Variants in INTS7 observed in about 807,000 individuals in gnomAD.
The protein encoded by INTS7 is chromosome 1 open reading frame 73.
A neutral mutation model predicts 109.2 loss-of-function variants in INTS7; 46 were observed. The ratio of observed to expected loss-of-function variants is 0.42; its 90% confidence interval spans 0.33 to 0.54. INTS7 has a LOEUF of 0.54. INTS7 is among the 20% of genes least tolerant of loss of function. The probability of loss-of-function intolerance (pLI) is 0.07; values close to 1 mark genes in which losing one functional copy is unlikely to be tolerated. For missense variants in INTS7, 929 were observed against 1,132.4 expected (o/e 0.82, Z 2.58); for synonymous variants, 412 against 402.9 (o/e 1.02, Z -0.27).
intron 16 of INTS7, among the ~76,000 whole-genome samples, chr1:211,960,187 T>TA (rs1316339087): frequency 2.0e-5 from 3 of 152,082 alleles, no homozygotes; most frequent in Non-Finnish European, 4.4e-5. Flanking sequence ...GTCCAGGAGT[T>TA]ATGAGCTGAG....
At position 212,020,123 on chromosome 1, in the gene INTS7, G is replaced by T. The variant is rs1317641892; in HGVS notation, c.370C>A (p.Arg124=). The T allele has an allele frequency of 1.3e-6, 2 of 1,592,308 alleles. No homozygotes were observed. Among genetic ancestry groups the T allele is most frequent in the Admixed American group, 1.8e-5 (1 of 56,774 alleles). Residue 124 remains arginine, a splice_region_variant and synonymous_variant, in exon 3 of 20, where the codon CGG becomes AGG. Transcript: ENST00000366994. ...GAATTATTATAATACGGTATATACC[G>T]GAGGGTGATGGCTCTTGCCACAGGA... ...NDPVARAITL[R]MLGSLASIIP...
intron 7 of INTS7, among the ~76,000 whole-genome samples, chr1:212,005,851 G>A (rs1311769454): frequency 6.6e-6 from 1 of 151,926 alleles, no homozygotes; most frequent in Non-Finnish European, 1.5e-5. Flanking sequence ...CCTTATCTTG[G>A]GATATCTGTG....
intron 16 of INTS7, among the ~76,000 whole-genome samples, chr1:211,958,670 C>T (rs1208395396): frequency 6.6e-6 from 1 of 152,188 alleles, no homozygotes; most frequent in African/African-American, 2.4e-5. Context: ...GACATTACCC[C>T]ACAGGCCAGC....
At chr1:211,979,614 A>G (rs908122544) in intron 10 of INTS7, among the ~76,000 whole-genome samples, 20 of 152,232 alleles carry the variant, frequency 1.3e-4, no homozygotes, top group Admixed American at 2.0e-4. Context: ...TCAAAGCCAT[A>G]ATACCATGTT....
chr1:212,032,306 C>T (rs1302489049), intron 1 of INTS7, among the ~76,000 whole-genome samples: 3 of 152,044 alleles, frequency 2.0e-5, no homozygotes, highest in Non-Finnish European at 2.9e-5. Flanking sequence ...GGTCCCTGAC[C>T]CTCCCCACTT....
At chr1:211,994,764 A>T (rs76560922) in intron 7 of INTS7, among the ~76,000 whole-genome samples, 4,139 of 150,520 alleles carry the variant, frequency 0.027, 81 homozygotes, top group Non-Finnish European at 0.041. Flanking sequence ...AACAAACATT[A>T]AAAAAAAAGT....
Position 211,946,243 on chromosome 1 carries a change from G to A in INTS7, c.2415+364C>T, listed in dbSNP as rs957998825. On this transcript the variant is annotated intron_variant, in intron 18 of 19. Transcript: ENST00000366994. This position sits in a 1 kb window ranked among gnomAD's most constrained non-coding sequence, Gnocchi z 4.3. ...CATGCCTGTAATCCCAGCACTTTGG[G>A]AGGCAGAGGTGGGTGGATCACTTGA... is the stretch of plus-strand genomic sequence containing the variant. 1.3e-5 allele frequency among the ~76,000 whole-genome samples: 2 copies of A among 152,198 alleles called. No individual in the cohort carries two copies. The highest frequency in any genetic ancestry group is 4.8e-5 in the African/African-American group (2 of 41,452).
At chr1:211,997,548 AAAG>A (rs1234670100) in intron 7 of INTS7, among the ~76,000 whole-genome samples, 5 of 151,022 alleles carry the variant, frequency 3.3e-5, no homozygotes, top group South Asian at 2.1e-4. Context: ...AAAAAAAAAA[AAAG>A]GGAGAGATGT....
intron 9 of INTS7, 76 bp downstream of exon 9, chr1:211,982,599 TA>T (rs201863806): frequency 6.7e-4 from 776 of 1,165,896 alleles, no homozygotes; most frequent in South Asian, 1.2e-3. Context: ...AATAAGGGAT[TA>T]AAAAAAAATC....
rs750333418 is a variant in INTS7 at position 211,975,148 on chromosome 1, T to G, written c.1815+18A>C. The G allele has an allele frequency of 1.3e-6, 2 of 1,548,146 alleles. No homozygotes were observed. Among genetic ancestry groups the G allele is most frequent in the Non-Finnish European group, 1.8e-6 (2 of 1,120,850 alleles). ...TCACATAAATCATCACCACCAAAGGTGAATTAAGAGGACTTACTGTTAAGG... is the reference window on the plus strand; with the variant it reads ...TCACATAAATCATCACCACCAAAGGGGAATTAAGAGGACTTACTGTTAAGG... On this transcript the variant is annotated intron_variant, in intron 13 of 19. Coordinates refer to ENST00000366994, the MANE Select transcript of INTS7 (RefSeq NM_015434.4).
At chr1:212,030,350 A>G (rs575715554) in intron 1 of INTS7, among the ~76,000 whole-genome samples, 1 of 150,862 alleles carries the variant, frequency 6.6e-6, no homozygotes, top group East Asian at 2.0e-4. Context: ...GTGCAATGGC[A>G]TGATCTCAGC....
intron 1 of INTS7, among the ~76,000 whole-genome samples, chr1:212,031,368 A>T (rs987270873): frequency 3.3e-5 from 5 of 152,238 alleles, no homozygotes; most frequent in African/African-American, 1.2e-4. Context: ...TGCATCCTTT[A>T]TATTGCCAAT....
intron 7 of INTS7, among the ~76,000 whole-genome samples, chr1:211,988,256 T>C (rs1175855525): frequency 6.6e-6 from 1 of 151,778 alleles, no homozygotes; most frequent in Non-Finnish European, 1.5e-5. Context: ...GCCTTGTCTC[T>C]ACAAAAATTC....
At chr1:211,976,809 G>A in intron 11 of INTS7, 90 bp from the exon 12 acceptor site, 1 of 1,206,918 alleles carries the variant, frequency 8.3e-7, no homozygotes, top group Admixed American at 2.1e-5. Flanking sequence ...AAACTAATTA[G>A]AGCCCACTGC....
chr1:211,951,262 G>A (rs1463640590), intron 17 of INTS7, among the ~76,000 whole-genome samples: 1 of 152,132 alleles, frequency 6.6e-6, no homozygotes, highest in Non-Finnish European at 1.5e-5. Flanking sequence ...AATGGCATTT[G>A]GAGGTGGGCC....
intron 4 of INTS7, among the ~76,000 whole-genome samples, chr1:212,014,458 T>G (rs1022649840): frequency 1.9e-4 from 10 of 52,778 alleles, no homozygotes; most frequent in African/African-American, 7.9e-4. Context: ...AGAGCAAAAC[T>G]CCATCTCAAA....
chr1:212,016,099 G>A (rs908462987), intron 4 of INTS7, among the ~76,000 whole-genome samples: 5 of 152,000 alleles, frequency 3.3e-5, no homozygotes, highest in Non-Finnish European at 7.4e-5. Context: ...ATTTATCTAA[G>A]CTCAATGGAA....
chr1:211,970,460 CATT>C (rs947350692), intron 13 of INTS7, among the ~76,000 whole-genome samples: 36 of 152,316 alleles, frequency 2.4e-4, no homozygotes, highest in African/African-American at 8.2e-4. Context: ...TACTATCTCA[CATT>C]AGTCTTTTAG....
At chr1:212,013,142 G>C (rs764422566) in intron 4 of INTS7, among the ~76,000 whole-genome samples, 16 of 152,180 alleles carry the variant, frequency 1.1e-4, no homozygotes, top group Admixed American at 2.0e-4. Flanking sequence ...ATATTGGCCA[G>C]AGATGTCTTG....
Sources: gnomAD v4.1 joint callset for allele counts (sites outside exome capture counted in the v4.1 genomes callset) on GRCh38, gnomAD v4.1.1 for gene constraint, Gnocchi (gnomAD v3.1) non-coding constraint, MANE v1.5 for transcripts, NCBI Gene and HGNC (gene_info 2026-07-23, HGNC 2026-07-21) for gene names.